LCORL: variants seen among roughly 807,000 people sequenced by gnomAD.
LCORL encodes ligand-dependent nuclear receptor corepressor-like protein.
In LCORL, 41 loss-of-function variants were observed where a neutral mutation model predicts 141.8. That is an observed-to-expected ratio of 0.29 (90% confidence interval 0.23 to 0.38). The LOEUF (loss-of-function observed/expected upper bound fraction) is 0.38. LCORL is among the 10% of genes least tolerant of loss of function. The pLI is 1.00. For missense variants in LCORL, 1,759 were observed against 2,035.0 expected (o/e 0.86, Z 2.61); for synonymous variants, 618 against 694.1 (o/e 0.89, Z 1.72).
At chr4:17,874,236 A>T in exon 7 of LCORL, 1 of 1,233,872 alleles carries the variant, frequency 8.1e-7, no homozygotes, top group Non-Finnish European at 1.0e-6. Flanking sequence ...ATTACTTTTC[A>T]CATTTAAGAG....
intron 4 of LCORL, among the ~76,000 whole-genome samples, chr4:17,936,059 T>C (rs188717963): frequency 6.6e-6 from 1 of 152,258 alleles, no homozygotes; most frequent in African/African-American, 2.4e-5. Flanking sequence ...GAAATACACA[T>C]TAGAAAACAT....
intron 1 of LCORL, among the ~76,000 whole-genome samples, chr4:18,004,563 C>G (rs774933524): frequency 2.6e-5 from 4 of 152,164 alleles, no homozygotes; most frequent in African/African-American, 9.6e-5. Flanking sequence ...TATCGTGATA[C>G]GTGGGAATTG....
intron 4 of LCORL, among the ~76,000 whole-genome samples, chr4:17,932,017 G>A (rs533630864): frequency 6.2e-4 from 95 of 152,086 alleles, no homozygotes; most frequent in East Asian, 1.5e-3. Flanking sequence ...TATGAATTAC[G>A]GTCTTTAACA....
At chr4:18,016,137 G>T (rs1724592144) in intron 1 of LCORL, among the ~76,000 whole-genome samples, 1 of 151,612 alleles carries the variant, frequency 6.6e-6, no homozygotes, top group South Asian at 2.1e-4. Context: ...TGGCAAAAAC[G>T]TTAAGAGTTC....
chr4:17,876,900 G>T, exon 7 of LCORL: 4 of 1,230,688 alleles, frequency 3.3e-6, no homozygotes, highest in Non-Finnish European at 4.1e-6. Context: ...TGACTGTAAT[G>T]CATAATTTGG....
intron 7 of LCORL, among the ~76,000 whole-genome samples, chr4:17,862,496 A>C (rs569273945): frequency 6.6e-6 from 1 of 152,316 alleles, no homozygotes; most frequent in Admixed American, 6.5e-5. Flanking sequence ...ACAGTAACCA[A>C]AACAGCATGG....
intron 4 of LCORL, among the ~76,000 whole-genome samples, chr4:17,925,909 C>G (rs112189859): frequency 0.031 from 3,960 of 128,870 alleles, 90 homozygotes; most frequent in African/African-American, 0.065. Context: ...AAAAAAAGAA[C>G]ATGTTCTGCA....
intron 4 of LCORL, among the ~76,000 whole-genome samples, chr4:17,932,774 T>C (rs991784627): frequency 6.6e-6 from 1 of 152,198 alleles, no homozygotes; most frequent in African/African-American, 2.4e-5. Context: ...TATGGTGAAT[T>C]GCAACAGAGA....
At chr4:17,875,201 A>G in exon 7 of LCORL, 5 of 1,231,750 alleles carry the variant, frequency 4.1e-6, no homozygotes, top group Non-Finnish European at 5.1e-6. Flanking sequence ...GTGAAGTTCT[A>G]TTAATAGTCA....
At chr4:17,882,105 T>C in intron 6 of LCORL, 6 of 984,544 alleles carry the variant, frequency 6.1e-6, no homozygotes, top group Non-Finnish European at 7.2e-6. Context: ...CTTCAGTTTC[T>C]TTAAACATGT....
At chr4:17,926,440 A>C (rs1356927866) in intron 4 of LCORL, among the ~76,000 whole-genome samples, 1 of 152,160 alleles carries the variant, frequency 6.6e-6, no homozygotes, top group Non-Finnish European at 1.5e-5. Context: ...CTGCCCTCGA[A>C]TGTCAAACTC....
At chr4:17,842,243 A>T in exon 8 of LCORL, 1 of 1,367,230 alleles carries the variant, frequency 7.3e-7, no homozygotes, top group Non-Finnish European at 1.0e-6. Flanking sequence ...TAGTTAGCCT[A>T]GAAACTAGAT....
Position 17,941,734 on chromosome 4 carries a change from A to C in LCORL, c.430+20169T>G, listed in dbSNP as rs919535839. ...ATTTTCTTCTTATAGGAAAGCAGTC[A>C]AGCAATTTACTCTAGATACATTACC... On this transcript the variant is annotated intron_variant, in intron 4 of 7. Coordinates refer to ENST00000635767, the Ensembl canonical transcript of LCORL. Among the ~76,000 whole-genome samples the C allele has an allele frequency of 2.2e-4, 33 of 152,210 alleles. 2 individuals are homozygous for C. The highest frequency in any genetic ancestry group is 1.5e-5 in the Non-Finnish European group (1 of 68,038).
chr4:17,884,582 G>T lies in LCORL; in HGVS notation c.776+1486C>A. 1 of 1,541,146 alleles carries T rather than the reference G, an allele frequency of 6.5e-7. No individual in the cohort carries two copies. The highest frequency in any genetic ancestry group is 8.7e-7 in the Non-Finnish European group (1 of 1,143,790). ...TTTAAAAGATGCAGGCTTCCCTGCTGGTAAGGCTTCTAAGTGAAGAAGTAA... is the reference window on the plus strand; with the variant it reads ...TTTAAAAGATGCAGGCTTCCCTGCTTGTAAGGCTTCTAAGTGAAGAAGTAA... On this transcript the variant is annotated intron_variant, in intron 6 of 7. Transcript: ENST00000635767. The surrounding 1 kb of genome is among the most constrained non-coding windows in gnomAD (Gnocchi z 4.4).
chr4:17,905,114 T>A (rs1052193377), intron 5 of LCORL, among the ~76,000 whole-genome samples: 92 of 152,284 alleles, frequency 6.0e-4, no homozygotes, highest in Non-Finnish European at 1.2e-3. Context: ...GTAACTTTTT[T>A]AAAACTAGAT....
chr4:17,926,972 T>C (rs1207787235), intron 4 of LCORL, among the ~76,000 whole-genome samples: 1 of 152,252 alleles, frequency 6.6e-6, no homozygotes, highest in Admixed American at 6.5e-5. Context: ...AAGCCAGGCA[T>C]TGACTTTGCT....
intron 1 of LCORL, among the ~76,000 whole-genome samples, chr4:17,977,590 A>T (rs766988043): frequency 1.2e-4 from 19 of 152,238 alleles, no homozygotes; most frequent in Admixed American, 3.3e-4. Context: ...CAAAATTTTT[A>T]ACTGGGTTGT....
At chr4:17,948,344 A>G (rs545007167) in intron 4 of LCORL, among the ~76,000 whole-genome samples, 280 of 152,180 alleles carry the variant, frequency 1.8e-3, no homozygotes, top group Middle Eastern at 3.4e-3. Flanking sequence ...AGAGCAGAAT[A>G]GGAAACATTC....
chr4:17,851,316 A>G (rs1343932917), intron 7 of LCORL, among the ~76,000 whole-genome samples: 1 of 152,090 alleles, frequency 6.6e-6, no homozygotes, highest in East Asian at 1.9e-4. Context: ...CATATAATGG[A>G]AAGAAGTCTA....
Sources: gnomAD v4.1 joint callset for allele counts (sites outside exome capture counted in the v4.1 genomes callset) on GRCh38, gnomAD v4.1.1 for gene constraint, Gnocchi (gnomAD v3.1) non-coding constraint, MANE v1.5 for transcripts, NCBI Gene and HGNC (gene_info 2026-07-23, HGNC 2026-07-21) for gene names.